GSG1L: variants seen among roughly 807,000 people sequenced by gnomAD.
GSG1L encodes the protein germ cell-specific gene 1-like protein.
A neutral mutation model predicts 42.1 loss-of-function variants in GSG1L; 24 were observed. The ratio of observed to expected loss-of-function variants is 0.57; its 90% CI spans 0.41 to 0.80. The LOEUF (loss-of-function observed/expected upper bound fraction) is 0.80, where lower values mean the gene tolerates loss of function less well. Ranked by LOEUF, GSG1L falls within the 30% of genes least tolerant of loss-of-function variation. The pLI is 0.00. For synonymous variants in GSG1L, 215 were observed against 203.5 expected (o/e 1.06, Z -0.48); for missense variants, 445 against 472.2 (o/e 0.94, Z 0.53).
chr16:27,993,703 A>T (rs923262747), intron 1 of GSG1L, among the ~76,000 whole-genome samples: 4 of 152,168 alleles, frequency 2.6e-5, no homozygotes, highest in African/African-American at 7.2e-5. Context: ...TTTCAAGCAA[A>T]AGAACAGCTT....
chr16:27,895,929 A>G (rs1039136401), intron 2 of GSG1L, among the ~76,000 whole-genome samples: 1 of 152,176 alleles, frequency 6.6e-6, no homozygotes, highest in Non-Finnish European at 1.5e-5. Context: ...CCTGGAGATG[A>G]CTGTTTTCTG....
intron 2 of GSG1L, among the ~76,000 whole-genome samples, chr16:27,924,387 C>G (rs1054337806): frequency 6.6e-6 from 1 of 152,118 alleles, no homozygotes; most frequent in Non-Finnish European, 1.5e-5. Flanking sequence ...ATGTACTACC[C>G]TAACACAGCT....
At chr16:27,794,443 G>T (rs1003225806) in intron 6 of GSG1L, among the ~76,000 whole-genome samples, 28 of 151,622 alleles carry the variant, frequency 1.8e-4, no homozygotes, top group African/African-American at 6.5e-4. Flanking sequence ...CCATTCTCCT[G>T]CCTCAGCCTC....
intron 1 of GSG1L, among the ~76,000 whole-genome samples, chr16:27,978,349 C>T (rs527479323): frequency 1.4e-4 from 22 of 152,234 alleles, no homozygotes; most frequent in African/African-American, 5.1e-4. Context: ...ACAGGGTGTG[C>T]TCCCTGGTTA....
intron 6 of GSG1L, 85 bp downstream of exon 6, chr16:27,807,402 C>T: frequency 9.0e-7 from 1 of 1,107,392 alleles, no homozygotes; most frequent in Non-Finnish European, 1.3e-6. Context: ...GGGGTGGGGG[C>T]TGGCCTGACT....
chr16:27,899,957 C>G lies in GSG1L; in HGVS notation c.398-15319G>C, dbSNP rs369204449. Among the ~76,000 whole-genome samples the G allele has an allele frequency of 5.9e-5, 9 of 152,300 alleles. No homozygotes were observed. The East Asian group carries it at 1.7e-3, about 29-fold the overall frequency. ...TCCACATTTGCCCAGGATCTCAAGACCAGGCAGGCTTCAGCCTCCGCTCCT... is the reference window on the plus strand; with the variant it reads ...TCCACATTTGCCCAGGATCTCAAGAGCAGGCAGGCTTCAGCCTCCGCTCCT... On this transcript the variant is annotated intron_variant, in intron 2 of 6. Coordinates refer to ENST00000447459, the MANE Select transcript of GSG1L (RefSeq NM_001109763.2).
chr16:27,821,092 C>A (rs982311873), intron 5 of GSG1L, among the ~76,000 whole-genome samples: 5 of 152,132 alleles, frequency 3.3e-5, no homozygotes, highest in Admixed American at 1.3e-4. Context: ...ATACCTCCCA[C>A]TGGGACTGGC....
intron 2 of GSG1L, among the ~76,000 whole-genome samples, chr16:27,917,878 T>A (rs572838639): frequency 1.2e-3 from 183 of 152,268 alleles, no homozygotes; most frequent in Admixed American, 3.5e-3. Context: ...ATGCTGTGGC[T>A]TGGGTCTCAG....
At chr16:28,048,300 G>T (rs899467755) in intron 1 of GSG1L, among the ~76,000 whole-genome samples, 1 of 151,838 alleles carries the variant, frequency 6.6e-6, no homozygotes. Context: ...TGCACACAGG[G>T]AATGTACCTG....
At chr16:27,951,266 G>A (rs2084948089) in intron 2 of GSG1L, among the ~76,000 whole-genome samples, 1 of 152,210 alleles carries the variant, frequency 6.6e-6, no homozygotes, top group Non-Finnish European at 1.5e-5. Flanking sequence ...CATTCAGATG[G>A]TGGACAGTTC....
In GSG1L at chr16:28,040,629, TAAGAA is replaced by T. The variant is rs1165761468; in HGVS notation, c.349+22442_349+22446del. ...AAGGACGGATGCCCTTCCAGCAACCTAAGAAGAGACCCGCAGGACATGAAGATGCT... is the reference window on the plus strand; with the variant it reads ...AAGGACGGATGCCCTTCCAGCAACCTGAGACCCGCAGGACATGAAGATGCT... On this transcript the variant is annotated intron_variant, in intron 1 of 6. Transcript: ENST00000447459. The surrounding 1 kb of genome is among the most constrained non-coding windows in gnomAD (Gnocchi z 4.1). Among the ~76,000 whole-genome samples the T allele has an allele frequency of 2.0e-5, 3 of 152,182 alleles. No homozygotes were observed. The highest frequency in any genetic ancestry group is 7.2e-5 in the African/African-American group (3 of 41,434).
chr16:27,828,050 TCATCCATCCATC>T (rs57317132), intron 5 of GSG1L, among the ~76,000 whole-genome samples: 2,071 of 131,176 alleles, frequency 0.016, 49 homozygotes, highest in African/African-American at 0.054. Flanking sequence ...ATCCACCCAA[TCATCCATCCATC>T]CATCCATCCA....
chr16:27,996,564 A>G (rs1346453616), intron 1 of GSG1L, among the ~76,000 whole-genome samples: 2 of 152,102 alleles, frequency 1.3e-5, no homozygotes, highest in Non-Finnish European at 2.9e-5. Flanking sequence ...TATTAGTAGT[A>G]CATGGAAAAG....
chr16:27,933,670 G>C (rs1360070153), intron 2 of GSG1L, among the ~76,000 whole-genome samples: 1 of 89,578 alleles, frequency 1.1e-5, no homozygotes, highest in South Asian at 3.8e-4. Flanking sequence ...AAAAAAAAAA[G>C]TGTGTTGAGC....
chr16:27,828,391 C>T (rs148830736), intron 5 of GSG1L, among the ~76,000 whole-genome samples: 1 of 152,318 alleles, frequency 6.6e-6, no homozygotes, highest in Non-Finnish European at 1.5e-5. Flanking sequence ...AGCCATCCTC[C>T]TCCTGGAGCC....
intron 1 of GSG1L, among the ~76,000 whole-genome samples, chr16:28,048,343 T>A (rs2086187818): frequency 6.6e-6 from 1 of 151,930 alleles, no homozygotes; most frequent in African/African-American, 2.4e-5. Flanking sequence ...GAAAAAAAAA[T>A]ATAAGGCAGA....
intron 1 of GSG1L, among the ~76,000 whole-genome samples, chr16:27,979,662 AGAG>A: frequency 8.9e-5 from 4 of 45,040 alleles, no homozygotes; most frequent in African/African-American, 3.6e-4. Context: ...AAAGAAAGAA[AGAG>A]AGAGAGAGAG....
chr16:27,857,437 A>AAG (rs2083593056), intron 3 of GSG1L, among the ~76,000 whole-genome samples: 1 of 151,092 alleles, frequency 6.6e-6, no homozygotes, highest in Non-Finnish European at 1.5e-5. Context: ...CAAAAAAAAA[A>AAG]AAAAAGAAAG....
chr16:27,987,062 C>G (rs1269014883), intron 1 of GSG1L, among the ~76,000 whole-genome samples: 1 of 152,004 alleles, frequency 6.6e-6, no homozygotes, highest in African/African-American at 2.4e-5. Flanking sequence ...ACTAAAAATA[C>G]AAAAATTAGC....
Sources: allele counts gnomAD v4.1 joint callset (sites outside exome capture counted in the v4.1 genomes callset), GRCh38; gene constraint gnomAD v4.1.1; non-coding constraint Gnocchi (gnomAD v3.1); transcripts MANE v1.5; gene names NCBI Gene and HGNC (gene_info 2026-07-23, HGNC 2026-07-21).